Variants in URM1 observed in about 807,000 individuals in gnomAD.
URM1 encodes the protein ubiquitin-related modifier 1.
A neutral mutation model predicts 17.7 loss-of-function variants in URM1; 11 were observed. The observed-to-expected ratio is 0.62, with a 90% CI of 0.39 to 1.03. The LOEUF is 1.03. URM1 is among the 50% of genes least tolerant of loss of function. The pLI is 0.00. For missense variants in URM1, 128 were observed against 129.2 expected (o/e 0.99, Z 0.04); for synonymous variants, 48 against 50.6 (o/e 0.95, Z 0.22).
upstream of URM1, chr9:128,371,362 C>A (rs1386602926): frequency 1.2e-6 from 2 of 1,612,648 alleles, no homozygotes; most frequent in Non-Finnish European, 1.7e-6. Context: ...GAGTTTCCTG[C>A]GAGCTCGGCT....
chr9:128,378,858 A>G (rs773355081), intron 2 of URM1, among the ~76,000 whole-genome samples: 19 of 150,204 alleles, frequency 1.3e-4, no homozygotes, highest in Non-Finnish European at 2.4e-4. Context: ...GGGGCAGGAG[A>G]ATTGCTTAAA....
intron 1 of URM1, among the ~76,000 whole-genome samples, chr9:128,372,037 T>G (rs1208279189): frequency 1.3e-5 from 2 of 152,122 alleles, no homozygotes; most frequent in African/African-American, 4.8e-5. Context: ...GACAGTATAG[T>G]ATACACAAGA....
intron 1 of URM1, among the ~76,000 whole-genome samples, chr9:128,374,638 C>T (rs968352673): frequency 6.6e-6 from 1 of 152,234 alleles, no homozygotes; most frequent in African/African-American, 2.4e-5. Context: ...CATGTTTTCC[C>T]CATGACAATG....
rs1833246099 is a variant in URM1 at position 128,387,723 on chromosome 9, C to T, written c.107-93C>T. 4.2e-5 allele frequency: 66 copies of T among 1,586,530 alleles called. No homozygotes were observed. The South Asian group carries it at 6.2e-4, about 15-fold the overall frequency. Reference sequence around the variant, plus strand: ...GGTCTAAAAGAAGCCCTCTAAACACCGTGTGTATTTCCTTGTGGGCCAGGC... The same window carrying T: ...GGTCTAAAAGAAGCCCTCTAAACACTGTGTGTATTTCCTTGTGGGCCAGGC... On this transcript the variant is annotated intron_variant, in intron 2 of 4. Coordinates refer to ENST00000372853, the MANE Select transcript of URM1 (RefSeq NM_030914.4). The surrounding 1 kb of genome is among the most constrained non-coding windows in gnomAD (Gnocchi z 4.3).
Position 128,371,434 on chromosome 9 carries a change from G to T in URM1, c.35+19G>T, listed in dbSNP as rs757677961. On this transcript the variant is annotated intron_variant, in intron 1 of 4. Coordinates refer to ENST00000372853, the MANE Select transcript of URM1 (RefSeq NM_030914.4). ...AGTTCGGGTGAGTCACAGAGCTGGGGCGCCGTGGGGATGGATTGAAGTCGT... is the reference window on the plus strand; with the variant it reads ...AGTTCGGGTGAGTCACAGAGCTGGGTCGCCGTGGGGATGGATTGAAGTCGT... 6.2e-7 allele frequency: 1 copy of T among 1,611,170 alleles called. No homozygotes were observed. Among genetic ancestry groups the T allele is most frequent in the Non-Finnish European group, 8.5e-7 (1 of 1,178,118 alleles).
rs771975667 is a variant in URM1, at chr9:128,387,943, G to A, written c.188+46G>A. 2.1e-5 allele frequency: 34 copies of A among 1,611,424 alleles called. No individual in the cohort carries two copies. Among genetic ancestry groups the A allele is most frequent in the East Asian group, 6.7e-5 (3 of 44,858 alleles). On this transcript the variant is annotated intron_variant, in intron 3 of 4. Transcript: ENST00000372853. The surrounding 1 kb of genome is among the most constrained non-coding windows in gnomAD (Gnocchi z 4.3). ...CCCTGAAGCAGGTGGAGGGAGGGAC[G>A]GATATTTGAGCCCCCACCCTCGGGT...
Position 128,387,761 on chromosome 9 carries a change from GT to G in URM1, c.107-54del. The G allele has an allele frequency of 6.2e-7, 1 of 1,611,348 alleles. No homozygotes were observed. The highest frequency in any genetic ancestry group is 2.2e-5 in the East Asian group (1 of 44,814). ...TTGTGGGCCAGGCAAGGCTCTGGGG[GT>G]GGGCAGGTGCTATTTGGGTTTGACA... is the stretch of plus-strand genomic sequence containing the variant. On this transcript the variant is annotated intron_variant, in intron 2 of 4. Transcript: ENST00000372853. This position sits in a 1 kb window ranked among gnomAD's most constrained non-coding sequence, Gnocchi z 4.3.
intron 1 of URM1, among the ~76,000 whole-genome samples, chr9:128,376,469 C>T (rs1053531963): frequency 4.6e-5 from 7 of 150,914 alleles, no homozygotes; most frequent in African/African-American, 1.7e-4. Flanking sequence ...ACCAGCCTGG[C>T]CACAATGGTG....
chr9:128,378,172 C>T (rs1167990124), intron 2 of URM1, 66 bp downstream of exon 2: 5 of 1,181,444 alleles, frequency 4.2e-6, no homozygotes, highest in South Asian at 4.0e-5. Context: ...ATGGGGAACA[C>T]TCAGCCCCGT....
At chr9:128,383,000 T>C (rs998211696) in intron 2 of URM1, among the ~76,000 whole-genome samples, 1 of 152,156 alleles carries the variant, frequency 6.6e-6, no homozygotes, top group Non-Finnish European at 1.5e-5. Flanking sequence ...GTCCTGCCTT[T>C]GTGCCCCCTC....
intron 2 of URM1, among the ~76,000 whole-genome samples, chr9:128,382,161 A>G (rs148729686): frequency 4.0e-4 from 61 of 152,192 alleles, no homozygotes; most frequent in African/African-American, 1.4e-3. Flanking sequence ...GGGAAGGCAC[A>G]ATGGCCCACT....
chr9:128,385,903 G>A (rs1325194544), intron 2 of URM1, among the ~76,000 whole-genome samples: 2 of 152,122 alleles, frequency 1.3e-5, no homozygotes, highest in African/African-American at 2.4e-5. Flanking sequence ...GGGAGGGAGT[G>A]ACCTCAGCAA....
At chr9:128,383,610 C>T (rs7864208) in intron 2 of URM1, among the ~76,000 whole-genome samples, 13 of 152,128 alleles carry the variant, frequency 8.5e-5, no homozygotes, top group Admixed American at 2.6e-4. Context: ...GTGGGAATGA[C>T]AGGAAGACAG....
chr9:128,378,888 A>G (rs1293178518), intron 2 of URM1, among the ~76,000 whole-genome samples: 2 of 149,850 alleles, frequency 1.3e-5, no homozygotes, highest in Non-Finnish European at 3.0e-5. Flanking sequence ...CAGAGGTTTC[A>G]GTGAGCCGAG....
At chr9:128,373,436 G>C (rs112007345) in intron 1 of URM1, among the ~76,000 whole-genome samples, 1 of 151,926 alleles carries the variant, frequency 6.6e-6, no homozygotes, top group Admixed American at 6.6e-5. Context: ...TTGTCCCTTA[G>C]TGGCCCCACT....
At chr9:128,389,186 C>T in intron 3 of URM1, 75 bp from the exon 4 acceptor site, 1 of 1,527,708 alleles carries the variant, frequency 6.5e-7, no homozygotes, top group Admixed American at 2.0e-5. Context: ...CAGCCCAAAG[C>T]TCTCAGCCTC....
chr9:128,372,835 AG>A (rs1292386110), intron 1 of URM1, among the ~76,000 whole-genome samples: 2 of 151,802 alleles, frequency 1.3e-5, no homozygotes, highest in African/African-American at 4.8e-5. Context: ...GTACTTTGGG[AG>A]GCTTGGGCAG....
chr9:128,386,700 C>T (rs1259677572), intron 2 of URM1, among the ~76,000 whole-genome samples: 4 of 152,250 alleles, frequency 2.6e-5, no homozygotes, highest in Non-Finnish European at 5.9e-5. Context: ...AGCCACCTTT[C>T]CCTTGCGTAC....
In URM1 at chr9:128,389,825, C is replaced by T. The variant is rs1833285502; in HGVS notation, c.*91C>T. The T allele has an allele frequency of 1.9e-6, 3 of 1,548,574 alleles. No homozygotes were observed. Among genetic ancestry groups the T allele is most frequent in the Non-Finnish European group, 2.6e-6 (3 of 1,135,870 alleles). The stretch of plus-strand genomic sequence containing the variant: ...CCTGCTTCCAGGTCTCCCTGTCCCC[C>T]TTGCCTGCCTTCTTCCCTGCTCTGT... On this transcript the variant is annotated 3_prime_UTR_variant, in exon 5 of 5. Coordinates refer to ENST00000372853, the MANE Select transcript of URM1 (RefSeq NM_030914.4).
Sources: allele counts gnomAD v4.1 joint callset (sites outside exome capture counted in the v4.1 genomes callset), GRCh38; gene constraint gnomAD v4.1.1; non-coding constraint Gnocchi (gnomAD v3.1); transcripts MANE v1.5; gene names NCBI Gene and HGNC (gene_info 2026-07-23, HGNC 2026-07-21).